The following SUPT20H variants were observed in gnomAD, a reference collection of about 807,000 sequenced individuals.
SUPT20H encodes SPT20 homolog, SAGA complex component.
A neutral mutation model predicts 122.8 loss-of-function variants in SUPT20H; 82 were observed. The observed-to-expected ratio is 0.67, with a 90% CI of 0.56 to 0.80. SUPT20H has a LOEUF of 0.80. Among genes scored for constraint, SUPT20H ranks in the 30% least tolerant of loss-of-function variants. The probability of loss-of-function intolerance (pLI) is 0.00; values close to 1 mark genes in which losing one functional copy is unlikely to be tolerated. For missense variants in SUPT20H, 831 were observed against 921.6 expected (o/e 0.90, Z 1.27); for synonymous variants, 291 against 313.0 (o/e 0.93, Z 0.74).
At chr13:37,050,795 TA>T (rs1489101833) in intron 2 of SUPT20H, among the ~76,000 whole-genome samples, 1 of 152,136 alleles carries the variant, frequency 6.6e-6, no homozygotes, top group Admixed American at 6.5e-5. Flanking sequence ...TTTTCTCTAA[TA>T]GGGGAGGAGT....
chr13:37,037,830 T>C (rs973738865), intron 9 of SUPT20H, among the ~76,000 whole-genome samples: 2 of 152,228 alleles, frequency 1.3e-5, no homozygotes, highest in African/African-American at 4.8e-5. Context: ...AATATCTTGA[T>C]AACTAAGGCT....
intron 12 of SUPT20H, among the ~76,000 whole-genome samples, 198 bp downstream of exon 12, chr13:37,031,366 GAAC>G (rs928338066): frequency 1.3e-5 from 2 of 151,836 alleles, no homozygotes; most frequent in Non-Finnish European, 2.9e-5. Flanking sequence ...TGTGAAAAAA[GAAC>G]AATACACAGC....
chr13:37,035,351 T>A (rs943730121), intron 9 of SUPT20H, among the ~76,000 whole-genome samples: 1 of 152,138 alleles, frequency 6.6e-6, no homozygotes, highest in Admixed American at 6.5e-5. Flanking sequence ...ATTCCAACCT[T>A]CATGGATGAC....
rs1223589133 is a variant in SUPT20H, at chr13:37,040,448, C to A, written c.524G>T (p.Cys175Phe). 1 of 1,580,586 alleles carries A rather than the reference C, an allele frequency of 6.3e-7. No individual in the cohort carries two copies. Among genetic ancestry groups the A allele is most frequent in the Non-Finnish European group, 8.5e-7 (1 of 1,170,248 alleles). ...ATCACTTGTTATTGAATGTACATCACAAATTAAAGTCTAGAAGAAATAAAA... is the reference window on the plus strand; with the variant it reads ...ATCACTTGTTATTGAATGTACATCAAAAATTAAAGTCTAGAAGAAATAAAA... ...LLRPTMQTLI[C>F]DVHSITSDNH... The change falls in exon 9 of 26, where the codon TGT (cysteine) becomes TTT (phenylalanine). Residue 175 changes from cysteine (C) to phenylalanine (F), a missense_variant. Physicochemically the swap from Cys to Phe is radical, Grantham distance 205. Transcript: ENST00000350612.
chr13:37,031,020 AG>A (rs1290039681), intron 12 of SUPT20H, among the ~76,000 whole-genome samples: 1 of 152,214 alleles, frequency 6.6e-6, no homozygotes, highest in Non-Finnish European at 1.5e-5. Context: ...AGAAAAACAT[AG>A]GATCACTCAT....
rs745667471 is a variant in SUPT20H, at chr13:37,040,619, G to A, written c.470C>T (p.Pro157Leu). 3.1e-6 allele frequency: 5 copies of A among 1,614,080 alleles called. No individual in the cohort carries two copies. Among genetic ancestry groups the A allele is most frequent in the Admixed American group, 1.7e-5 (1 of 60,026 alleles). ...GAGAATGTGCCGACTTTGGTAACCA[G>A]GAGATTTCATGTTACTGGACTGCCT... is the stretch of plus-strand genomic sequence containing the variant. ...DYRQSSNMKSPGYQSRHILLR... is the reference protein window; with the variant it reads ...DYRQSSNMKSLGYQSRHILLR... Residue 157 changes from proline (P) to leucine (L), a missense_variant, in exon 8 of 26, where the codon CCT (proline) becomes CTT (leucine). Coordinates refer to ENST00000350612, the MANE Select transcript of SUPT20H (RefSeq NM_001014286.3).
At chr13:37,043,655 A>G (rs971227881) in intron 7 of SUPT20H, among the ~76,000 whole-genome samples, 5 of 152,056 alleles carry the variant, frequency 3.3e-5, no homozygotes, top group African/African-American at 9.6e-5. Flanking sequence ...TTCTATTATT[A>G]TTAGTTTTAG....
chr13:37,011,707 G>T (rs1299358333), intron 24 of SUPT20H, among the ~76,000 whole-genome samples: 2 of 152,020 alleles, frequency 1.3e-5, no homozygotes, highest in Non-Finnish European at 2.9e-5. Context: ...TTTACTGCTG[G>T]AAGTGTTGAG....
At chr13:37,059,309 C>T (rs1471567745) in intron 1 of SUPT20H, 9 of 152,250 alleles carry the variant, frequency 5.9e-5, no homozygotes, top group African/African-American at 2.2e-4. Flanking sequence ...CGGAAATACC[C>T]GTCTCTGGAA....
chr13:37,056,668 T>C lies in SUPT20H; in HGVS notation c.-94+2891A>G, dbSNP rs540858847. Among the ~76,000 whole-genome samples, 35 of 151,446 alleles carry C rather than the reference T, an allele frequency of 2.3e-4. No individual in the cohort carries two copies. The East Asian group carries it at 5.9e-3, about 25-fold the overall frequency. ...ATGAGGAGATATACCTAATGTTAAA[T>C]GACAAGTTAATGGGTGCAGCACACC... On this transcript the variant is annotated intron_variant, in intron 1 of 25. Transcript: ENST00000350612.
chr13:37,047,381 C>A (rs2066680509), intron 5 of SUPT20H, 154 bp downstream of exon 5: 1 of 783,930 alleles, frequency 1.3e-6, no homozygotes, highest in Non-Finnish European at 1.8e-6. Context: ...CCAGATTAGC[C>A]AGAGCTCTGA....
At chr13:37,034,199 A>G (rs2063921552) in intron 9 of SUPT20H, among the ~76,000 whole-genome samples, 1 of 152,198 alleles carries the variant, frequency 6.6e-6, no homozygotes, top group South Asian at 2.1e-4. Context: ...TTTTAAATCC[A>G]AAGCTAGAAA....
Position 37,024,372 on chromosome 13 carries a change from T to C in SUPT20H, c.1400A>G (p.Lys467Arg). The change falls in exon 18 of 26, where the codon AAA (lysine) becomes AGA (arginine). Residue 467 changes from lysine (K) to arginine (R), a missense_variant. Transcript: ENST00000350612. The part of the protein sequence containing the change: ...KGVKHRPPPI[K>R]LPSSSGNSSS... ...ACTATTTCCTGAGCTTGAGGGAAGT[T>C]TGATTGGTGGGGGTCGATGTTTTAC... The C allele has an allele frequency of 2.5e-6, 4 of 1,592,388 alleles. No individual in the cohort carries two copies. The highest frequency in any genetic ancestry group is 3.4e-6 in the Non-Finnish European group (4 of 1,172,660).
At chr13:37,020,748 A>G (rs2061355829) in intron 21 of SUPT20H, among the ~76,000 whole-genome samples, 1 of 152,098 alleles carries the variant, frequency 6.6e-6, no homozygotes, top group Non-Finnish European at 1.5e-5. Flanking sequence ...TGTTTTTCCT[A>G]TTACATTTTT....
At chr13:37,026,303 G>T (rs2062261410) in intron 15 of SUPT20H, 67 bp from the exon 16 acceptor site, 3 of 1,152,604 alleles carry the variant, frequency 2.6e-6, no homozygotes, top group Non-Finnish European at 3.5e-6. Flanking sequence ...GAAGGCTTGG[G>T]ATTACTTTTG....
chr13:37,058,969 A>G (rs538597200), intron 1 of SUPT20H, among the ~76,000 whole-genome samples: 31 of 152,258 alleles, frequency 2.0e-4, no homozygotes, highest in African/African-American at 6.7e-4. Flanking sequence ...ACTTTGATGA[A>G]TTGCACTCAA....
intron 14 of SUPT20H, 137 bp downstream of exon 14, chr13:37,028,011 T>C: frequency 1.3e-6 from 1 of 755,022 alleles, no homozygotes; most frequent in Non-Finnish European, 1.9e-6. Flanking sequence ...TACCGCCAAA[T>C]CTAATTGTTA....
chr13:37,014,179 C>T (rs1377383459), intron 23 of SUPT20H, among the ~76,000 whole-genome samples: 1 of 151,968 alleles, frequency 6.6e-6, no homozygotes, highest in East Asian at 1.9e-4. Flanking sequence ...TAAAGAAGGT[C>T]ATTTATTAAT....
At position 37,048,571 on chromosome 13, in the gene SUPT20H, C is replaced by T. The variant is rs143790094; in HGVS notation, c.32G>A (p.Arg11His). The part of the protein sequence containing the change: MQQALELALD[R>H]AEYVIESARQ... ...AACTTAGTCACACCTCACCTCTGCA[C>T]GATCCAAAGCTAGTTCTAAAGCTTG... The change falls in exon 3 of 26, where the codon CGT becomes CAT. Residue 11 changes from arginine to histidine, a missense_variant. Coordinates refer to ENST00000350612, the MANE Select transcript of SUPT20H (RefSeq NM_001014286.3). 58 of 1,598,220 alleles carry T rather than the reference C, an allele frequency of 3.6e-5. 1 individual carries two copies. Among genetic ancestry groups the T allele is most frequent in the African/African-American group, 5.4e-5 (4 of 74,196 alleles).
Sources: gnomAD v4.1 joint callset for allele counts (sites outside exome capture counted in the v4.1 genomes callset) on GRCh38, gnomAD v4.1.1 for gene constraint, MANE v1.5 for transcripts, NCBI Gene and HGNC (gene_info 2026-07-23, HGNC 2026-07-21) for gene names.